CAMKMT: variants seen among roughly 807,000 people sequenced by gnomAD.
The protein encoded by CAMKMT is CaM KMT.
In CAMKMT, 53 loss-of-function variants were observed where a neutral mutation model predicts 48.0. The ratio of observed to expected loss-of-function variants is 1.10; its 90% CI spans 0.89 to 1.39. The LOEUF is 1.39. Ranked by LOEUF, CAMKMT falls within the 40% of genes most tolerant of loss-of-function variation. The probability of loss-of-function intolerance (pLI) is 0.00; values close to 1 mark genes in which losing one functional copy is unlikely to be tolerated. For missense variants in CAMKMT, 428 were observed against 402.7 expected (o/e 1.06, Z -0.54); for synonymous variants, 165 against 152.3 (o/e 1.08, Z -0.61).
chr2:44,456,237 C>T (rs373833877), intron 3 of CAMKMT, among the ~76,000 whole-genome samples: 146 of 152,190 alleles, frequency 9.6e-4, no homozygotes, highest in African/African-American at 3.4e-3. Flanking sequence ...TTCATTTTCA[C>T]TAGTGATGAA....
At chr2:44,736,786 T>G (rs543681644) in intron 7 of CAMKMT, among the ~76,000 whole-genome samples, 79 of 152,328 alleles carry the variant, frequency 5.2e-4, no homozygotes, top group African/African-American at 1.9e-3. Flanking sequence ...AATCTGCTGT[T>G]AATCTTATCC....
chr2:44,750,314 G>A (rs1308364882), intron 8 of CAMKMT, among the ~76,000 whole-genome samples: 3 of 151,912 alleles, frequency 2.0e-5, no homozygotes, highest in African/African-American at 7.3e-5. Flanking sequence ...ACACCACCAC[G>A]CCTGGCTAAT....
intron 3 of CAMKMT, among the ~76,000 whole-genome samples, chr2:44,462,240 A>G (rs1667884755): frequency 6.6e-6 from 1 of 152,196 alleles, no homozygotes; most frequent in Non-Finnish European, 1.5e-5. Context: ...AGTAAAAATA[A>G]AACATATTCT....
intron 3 of CAMKMT, among the ~76,000 whole-genome samples, chr2:44,562,196 A>G (rs901491702): frequency 5.9e-5 from 9 of 152,338 alleles, no homozygotes; most frequent in African/African-American, 2.2e-4. Flanking sequence ...GCTAAGAGCC[A>G]TGTCCCCCTT....
intron 3 of CAMKMT, among the ~76,000 whole-genome samples, chr2:44,652,406 A>G (rs1674123301): frequency 6.6e-6 from 1 of 152,162 alleles, no homozygotes; most frequent in Non-Finnish European, 1.5e-5. Context: ...GGCTTGCTGA[A>G]CTGCTCAGCG....
chr2:44,680,610 T>G (rs767706894), intron 3 of CAMKMT, among the ~76,000 whole-genome samples: 23 of 152,190 alleles, frequency 1.5e-4, no homozygotes, highest in Non-Finnish European at 2.5e-4. Flanking sequence ...GTTATGCCCA[T>G]GCTGTTCATA....
intron 3 of CAMKMT, among the ~76,000 whole-genome samples, chr2:44,415,933 A>G (rs879933518): frequency 1.3e-5 from 2 of 152,240 alleles, no homozygotes; most frequent in Non-Finnish European, 2.9e-5. Flanking sequence ...ATTGCTACTA[A>G]TGTTGGCTAA....
At chr2:44,489,996 A>G (rs1669408651) in intron 3 of CAMKMT, among the ~76,000 whole-genome samples, 1 of 152,078 alleles carries the variant, frequency 6.6e-6, no homozygotes, top group African/African-American at 2.4e-5. Context: ...AGATTAATAC[A>G]CACACACGCA....
intron 3 of CAMKMT, among the ~76,000 whole-genome samples, chr2:44,693,275 G>A (rs893792443): frequency 1.3e-5 from 2 of 152,156 alleles, no homozygotes; most frequent in Non-Finnish European, 2.9e-5. Flanking sequence ...TGCCTAAAAC[G>A]TATCATTTAT....
At chr2:44,632,848 C>T (rs1163306120) in intron 3 of CAMKMT, among the ~76,000 whole-genome samples, 1 of 152,180 alleles carries the variant, frequency 6.6e-6, no homozygotes, top group East Asian at 1.9e-4. Flanking sequence ...CTGAATGCTT[C>T]CTGCCCTCGA....
intron 3 of CAMKMT, among the ~76,000 whole-genome samples, chr2:44,481,108 A>G (rs1398236637): frequency 6.6e-6 from 1 of 151,992 alleles, no homozygotes; most frequent in Admixed American, 6.6e-5. Context: ...TCCATTTCCC[A>G]TTTGGTGGAT....
At chr2:44,575,148 G>A (rs1043153455) in intron 3 of CAMKMT, among the ~76,000 whole-genome samples, 2 of 151,860 alleles carry the variant, frequency 1.3e-5, no homozygotes, top group Non-Finnish European at 2.9e-5. Context: ...GCGCAATCTC[G>A]GCTCACTGCA....
At chr2:44,383,746 C>T (rs756522760) in intron 2 of CAMKMT, among the ~76,000 whole-genome samples, 7 of 152,116 alleles carry the variant, frequency 4.6e-5, no homozygotes, top group Non-Finnish European at 7.3e-5. Flanking sequence ...TTTCCATTCC[C>T]GAGTTACTTC....
At chr2:44,771,382 G>A (rs1016470008) in intron 10 of CAMKMT, among the ~76,000 whole-genome samples, 1 of 152,080 alleles carries the variant, frequency 6.6e-6, no homozygotes, top group African/African-American at 2.4e-5. Context: ...AAGAAAAAGT[G>A]TACTTCATAT....
At chr2:44,406,957 A>G (rs1434048370) in intron 3 of CAMKMT, among the ~76,000 whole-genome samples, 1 of 152,208 alleles carries the variant, frequency 6.6e-6, no homozygotes, top group Admixed American at 6.5e-5. Context: ...TGTCTACTTA[A>G]CTGGAACAGT....
chr2:44,713,494 TTTCCTGAAATAATTTC>T (rs1677995757), intron 6 of CAMKMT, among the ~76,000 whole-genome samples: 1 of 152,212 alleles, frequency 6.6e-6, no homozygotes, highest in South Asian at 2.1e-4. Flanking sequence ...TTTAGAAGAC[TTTCCTGAAATAATTTC>T]TTCCTGAAAT....
chr2:44,508,344 C>G (rs1670365334), intron 3 of CAMKMT, among the ~76,000 whole-genome samples: 1 of 152,224 alleles, frequency 6.6e-6, no homozygotes, highest in African/African-American at 2.4e-5. Flanking sequence ...GGCATCAGCA[C>G]CTTAGGTTTA....
At chr2:44,696,238 C>G (rs904163334) in intron 3 of CAMKMT, among the ~76,000 whole-genome samples, 2 of 152,076 alleles carry the variant, frequency 1.3e-5, no homozygotes, top group African/African-American at 4.8e-5. Flanking sequence ...CCACTGTGCC[C>G]GGCCAAAAAT....
intron 3 of CAMKMT, among the ~76,000 whole-genome samples, chr2:44,640,065 C>A (rs1255830956): frequency 6.6e-6 from 1 of 152,128 alleles, no homozygotes; most frequent in Non-Finnish European, 1.5e-5. Flanking sequence ...TTGTGGAACA[C>A]TTATCCTTGC....
Sources: allele counts gnomAD v4.1 joint callset (sites outside exome capture counted in the v4.1 genomes callset), GRCh38; gene constraint gnomAD v4.1.1; transcripts MANE v1.5; gene names NCBI Gene and HGNC (gene_info 2026-07-23, HGNC 2026-07-21).